Variants in EYS observed in about 807,000 individuals in gnomAD.
EYS encodes EGF-like photoreceptor maintenance factor, also known as protein eyes shut homolog.
A neutral mutation model predicts 282.1 loss-of-function variants in EYS; 250 were observed. The ratio of observed to expected loss-of-function variants is 0.89; its 90% CI spans 0.80 to 0.98. The LOEUF is 0.98. EYS is among the 50% of genes least tolerant of loss of function. EYS has a pLI of 0.00. For synonymous variants in EYS, 1,355 were observed against 1,282.9 expected (o/e 1.06, Z -1.20); for missense variants, 4,016 against 3,709.0 (o/e 1.08, Z -2.15).
At chr6:65,065,635 G>C (rs370923695) in intron 12 of EYS, among the ~76,000 whole-genome samples, 1 of 151,638 alleles carries the variant, frequency 6.6e-6, no homozygotes, top group African/African-American at 2.4e-5. Flanking sequence ...TGCCCGCCTC[G>C]GCCTCCCAAA....
chr6:63,732,531 T>C (rs1193271081), intron 41 of EYS, among the ~76,000 whole-genome samples: 2 of 152,150 alleles, frequency 1.3e-5, no homozygotes, highest in African/African-American at 4.8e-5. Flanking sequence ...TAAAATAAAG[T>C]CAAGAGAAAA....
chr6:63,927,863 A>G (rs1764763532), intron 35 of EYS, among the ~76,000 whole-genome samples: 2 of 152,206 alleles, frequency 1.3e-5, no homozygotes, highest in African/African-American at 4.8e-5. Context: ...TTTTATAGTC[A>G]TGACTGTTGA....
intron 11 of EYS, among the ~76,000 whole-genome samples, chr6:65,317,205 C>A (rs544700225): frequency 1.3e-5 from 2 of 152,128 alleles, no homozygotes; most frequent in South Asian, 4.2e-4. Flanking sequence ...AAACCTAGAT[C>A]TTTGTGGAGA....
intron 30 of EYS, among the ~76,000 whole-genome samples, chr6:64,264,553 G>A (rs1767693981): frequency 6.6e-6 from 1 of 152,078 alleles, no homozygotes; most frequent in East Asian, 1.9e-4. Context: ...GCTGAATAAT[G>A]GCAAAAGTAA....
intron 31 of EYS, among the ~76,000 whole-genome samples, chr6:64,141,467 T>C (rs1344452452): frequency 6.6e-6 from 1 of 152,194 alleles, no homozygotes; most frequent in Non-Finnish European, 1.5e-5. Flanking sequence ...ACAAAGACCA[T>C]GTGTCAGAAC....
chr6:65,405,516 A>G, intron 5 of EYS, 149 bp from the exon 6 acceptor site: 1 of 678,340 alleles, frequency 1.5e-6, no homozygotes, highest in Non-Finnish European at 2.5e-6. Flanking sequence ...TAAGTTATAT[A>G]TTATAAAATT....
In EYS at chr6:65,334,992, A is replaced by G; in HGVS notation, c.1754T>C (p.Ile585Thr). ...GATACATAAATACCTGGGTCTATTAATTTCATCTTTACAAACAGCTTCATG... is the reference window on the plus strand; with the variant it reads ...GATACATAAATACCTGGGTCTATTAGTTTCATCTTTACAAACAGCTTCATG... ...CQHEAVCKDE[I>T]NRPRCSCSLS... The change falls in exon 11 of 43, where the codon ATT becomes ACT. Residue 585 changes from isoleucine to threonine, a missense_variant. Transcript: ENST00000503581. The G allele has an allele frequency of 1.9e-6, 3 of 1,609,162 alleles. No homozygotes were observed. Among genetic ancestry groups the G allele is most frequent in the African/African-American group, 1.3e-5 (1 of 74,804 alleles).
chr6:64,835,636 A>G (rs1765359343), intron 19 of EYS, among the ~76,000 whole-genome samples: 1 of 151,720 alleles, frequency 6.6e-6, no homozygotes, highest in South Asian at 2.1e-4. Context: ...CATAGCAAAC[A>G]TAGCCACAGG....
intron 30 of EYS, among the ~76,000 whole-genome samples, chr6:64,282,819 G>T (rs112822916): frequency 0.012 from 1,899 of 152,218 alleles, 36 homozygotes; most frequent in African/African-American, 0.043. Flanking sequence ...TATTGCTTCT[G>T]CATTCAAAAG....
intron 15 of EYS, among the ~76,000 whole-genome samples, chr6:64,936,700 A>G (rs1177045240): frequency 6.6e-6 from 1 of 151,500 alleles, no homozygotes; most frequent in African/African-American, 2.4e-5. Context: ...TCAAATTCTT[A>G]AGAATAGATT....
chr6:64,413,522 T>TC (rs1773971156), intron 28 of EYS, among the ~76,000 whole-genome samples: 2 of 75,392 alleles, frequency 2.7e-5, no homozygotes, highest in Non-Finnish European at 5.3e-5. Context: ...GCTATTCTTG[T>TC]CCAAACAACA....
chr6:65,505,836 T>C (rs538165753), intron 2 of EYS, among the ~76,000 whole-genome samples: 1 of 152,286 alleles, frequency 6.6e-6, no homozygotes, highest in South Asian at 2.1e-4. Context: ...CTAAATGTTC[T>C]ACACAGTCTC....
intron 12 of EYS, among the ~76,000 whole-genome samples, chr6:65,139,721 A>G (rs943103154): frequency 2.0e-5 from 3 of 152,076 alleles, no homozygotes; most frequent in Non-Finnish European, 4.4e-5. Context: ...GCAGAGGCCC[A>G]GTGAAAAGCC....
chr6:65,562,405 C>T (rs2127346126), intron 2 of EYS, among the ~76,000 whole-genome samples: 1 of 151,810 alleles, frequency 6.6e-6, no homozygotes, highest in East Asian at 1.9e-4. Context: ...TAGTGTATTC[C>T]CATACTGTTA....
intron 30 of EYS, among the ~76,000 whole-genome samples, chr6:64,235,111 T>A (rs1029443702): frequency 2.6e-5 from 4 of 151,940 alleles, no homozygotes; most frequent in East Asian, 1.9e-4. Context: ...TATCATACTT[T>A]AAGTTTTAGG....
At chr6:65,698,534 G>A (rs1017922713) in intron 1 of EYS, among the ~76,000 whole-genome samples, 70 of 152,238 alleles carry the variant, frequency 4.6e-4, no homozygotes, top group African/African-American at 1.7e-3. Flanking sequence ...AAAAAATGAA[G>A]AATGCATCTA....
chr6:64,288,616 A>C (rs1179847644), intron 30 of EYS, among the ~76,000 whole-genome samples: 2 of 152,120 alleles, frequency 1.3e-5, no homozygotes, highest in African/African-American at 4.8e-5. Context: ...ACACATCCTC[A>C]TATAGCTCTC....
intron 2 of EYS, among the ~76,000 whole-genome samples, chr6:65,618,834 C>G (rs1435645245): frequency 6.6e-6 from 1 of 152,038 alleles, no homozygotes; most frequent in African/African-American, 2.4e-5. Flanking sequence ...GCTTGTTTTT[C>G]TCAGGTTTGT....
intron 12 of EYS, among the ~76,000 whole-genome samples, chr6:65,075,629 T>C (rs150256675): frequency 1.4e-3 from 207 of 152,124 alleles, no homozygotes; most frequent in Non-Finnish European, 2.1e-3. Flanking sequence ...ATCAGTCTTT[T>C]AGTTCAGAAA....
Sources: allele counts gnomAD v4.1 joint callset (sites outside exome capture counted in the v4.1 genomes callset), GRCh38; gene constraint gnomAD v4.1.1; transcripts MANE v1.5; gene names NCBI Gene and HGNC (gene_info 2026-07-23, HGNC 2026-07-21).